The following PCDHGA9 variants were observed in gnomAD, a reference collection of about 807,000 sequenced individuals.
PCDHGA9 encodes protocadherin gamma-A9.
PCDHGA9 carries 37 observed loss-of-function variants against 62.5 expected under a neutral mutation model. The ratio of observed to expected loss-of-function variants is 0.59; its 90% CI spans 0.46 to 0.78. The LOEUF (loss-of-function observed/expected upper bound fraction) is 0.78, where lower values mean the gene tolerates loss of function less well. PCDHGA9 is among the 30% of genes least tolerant of loss of function. The pLI is 0.00. For missense variants in PCDHGA9, 1,138 were observed against 1,166.2 expected (o/e 0.98, Z 0.35); for synonymous variants, 459 against 484.6 (o/e 0.95, Z 0.69).
intron 1 of PCDHGA9, chr5:141,421,800 G>A: frequency 6.2e-7 from 1 of 1,613,846 alleles, no homozygotes; most frequent in Non-Finnish European, 8.5e-7. Context: ...ATGGGGCCAA[G>A]AATCCAGAGC....
intron 1 of PCDHGA9, chr5:141,428,275 G>A (rs566455986): frequency 6.5e-6 from 5 of 767,218 alleles, no homozygotes; most frequent in African/African-American, 3.4e-5. Context: ...TGTGCCCTCT[G>A]ATTCCCAAGC....
rs2099670287 is a variant in PCDHGA9, at chr5:141,487,983, TC to T, written c.2425-6822del. Among the ~76,000 whole-genome samples, 3 of 152,290 alleles carry T rather than the reference TC, an allele frequency of 2.0e-5. No individual in the cohort carries two copies. The South Asian group carries it at 6.2e-4, about 32-fold the overall frequency. ...CAAAGGTGGCTGTTTTCTCTACTCT[TC>T]CTGAAAGAGGGGATCAGATTCTGAA... On this transcript the variant is annotated intron_variant, in intron 1 of 3. Coordinates refer to ENST00000573521, the MANE Select transcript of PCDHGA9 (RefSeq NM_018921.3). This position sits in a 1 kb window ranked among gnomAD's most constrained non-coding sequence, Gnocchi z 5.0.
chr5:141,433,406 T>TC (rs397794347), intron 1 of PCDHGA9, among the ~76,000 whole-genome samples: 446 of 150,100 alleles, frequency 3.0e-3, no homozygotes, highest in African/African-American at 0.01. Context: ...TATCTATCTA[T>TC]TACTTTCTTG....
chr5:141,455,817 A>G (rs1251279680), intron 1 of PCDHGA9, among the ~76,000 whole-genome samples: 3 of 151,882 alleles, frequency 2.0e-5, no homozygotes, highest in Non-Finnish European at 4.4e-5. Flanking sequence ...AAAACTTCCC[A>G]AGGACCCCTT....
Position 141,511,315 on chromosome 5 carries a change from G to A in PCDHGA9, c.*142G>A. ...AAGGCCATGCTCCCCTTGGGAAACA[G>A]AAACAAGTGCCCAGTCAGCACCTAC... On this transcript the variant is annotated 3_prime_UTR_variant, in exon 4 of 4. Coordinates refer to ENST00000573521, the MANE Select transcript of PCDHGA9 (RefSeq NM_018921.3). 6.8e-7 allele frequency: 1 copy of A among 1,481,384 alleles called. No individual in the cohort carries two copies. Among genetic ancestry groups the A allele is most frequent in the Non-Finnish European group, 9.0e-7 (1 of 1,110,974 alleles). 91.8% of individuals were successfully genotyped at this position (1,481,384 alleles called of 1,614,324 possible).
chr5:141,421,328 A>G (rs1355932974), intron 1 of PCDHGA9: 1 of 1,613,902 alleles, frequency 6.2e-7, no homozygotes. Flanking sequence ...CAGATCCGAT[A>G]TTCGGTGCCA....
intron 1 of PCDHGA9, 87 bp downstream of exon 1, chr5:141,405,463 A>C: frequency 8.5e-7 from 1 of 1,181,354 alleles, no homozygotes. Flanking sequence ...TCTGTTACCC[A>C]GGCTGGAATG....
chr5:141,502,402 A>T (rs1317862793), intron 2 of PCDHGA9, among the ~76,000 whole-genome samples: 1 of 151,976 alleles, frequency 6.6e-6, no homozygotes, highest in Admixed American at 6.6e-5. Flanking sequence ...AATGTCCCCG[A>T]ACCTGGATTT....
At chr5:141,453,586 C>T (rs1409763264) in intron 1 of PCDHGA9, among the ~76,000 whole-genome samples, 1 of 152,204 alleles carries the variant, frequency 6.6e-6, no homozygotes, top group Non-Finnish European at 1.5e-5. Context: ...GGTTTATCCT[C>T]ACTGTGTTTC....
At position 141,477,137 on chromosome 5, in the gene PCDHGA9, G is replaced by A; in HGVS notation, c.2425-17670G>A. 1 of 1,614,200 alleles carries A rather than the reference G, an allele frequency of 6.2e-7. No individual in the cohort carries two copies. The highest frequency in any genetic ancestry group is 8.5e-7 in the Non-Finnish European group (1 of 1,180,050). On this transcript the variant is annotated intron_variant, in intron 1 of 3. Coordinates refer to ENST00000573521, the MANE Select transcript of PCDHGA9 (RefSeq NM_018921.3). The surrounding 1 kb of genome is among the most constrained non-coding windows in gnomAD (Gnocchi z 4.9). ...AGGAGCACATTGCAAAGTGTTGGTG[G>A]AGGTTGTGGATGTGAATGACAACGC...
intron 1 of PCDHGA9, chr5:141,409,257 T>C: frequency 6.2e-7 from 1 of 1,614,022 alleles, no homozygotes; most frequent in Non-Finnish European, 8.5e-7. Flanking sequence ...ATCACTTCTC[T>C]CTCTGATCAG....
intron 1 of PCDHGA9, chr5:141,421,678 G>C (rs903229017): frequency 3.7e-6 from 6 of 1,613,776 alleles, no homozygotes; most frequent in Non-Finnish European, 5.1e-6. Context: ...AATTCCTGGG[G>C]CGCGATTTGC....
intron 1 of PCDHGA9, among the ~76,000 whole-genome samples, chr5:141,407,382 A>G (rs1158380926): frequency 6.6e-6 from 1 of 152,218 alleles, no homozygotes; most frequent in Non-Finnish European, 1.5e-5. Context: ...GAAGGCTTGT[A>G]TGTCATGGTA....
rs1174072440 is a variant in PCDHGA9, at chr5:141,438,581, TACATACATAC to T, written c.2424+33207_2424+33216del. Among the ~76,000 whole-genome samples, 141 of 49,790 alleles carry T rather than the reference TACATACATAC, an allele frequency of 2.8e-3. 1 individual carries two copies. Among genetic ancestry groups the T allele is most frequent in the African/African-American group, 0.014 (97 of 6,866 alleles). 32.7% of individuals were successfully genotyped at this position (49,790 alleles called of 152,430 possible). A position where few individuals can be genotyped will look rare whatever the true frequency, so the allele number is the denominator to read the frequency against. On this transcript the variant is annotated intron_variant, in intron 1 of 3. Coordinates refer to ENST00000573521, the MANE Select transcript of PCDHGA9 (RefSeq NM_018921.3). ...GAGGCAGCTGTCTGATATACATACA[TACATACATAC>T]ATATATATATATATATATATATATA...
chr5:141,429,760 C>T (rs1036499079), intron 1 of PCDHGA9, among the ~76,000 whole-genome samples: 2 of 152,020 alleles, frequency 1.3e-5, no homozygotes, highest in Non-Finnish European at 2.9e-5. Context: ...AATTTTTTCC[C>T]TATATTTTGA....
intron 1 of PCDHGA9, chr5:141,409,124 G>T: frequency 6.2e-7 from 1 of 1,613,940 alleles, no homozygotes. Context: ...CCAGTCATTT[G>T]ATTTTGAAGA....
At position 141,432,749 on chromosome 5, in the gene PCDHGA9, G is replaced by A; in HGVS notation, c.2424+27373G>A. 6.8e-6 allele frequency: 11 copies of A among 1,614,106 alleles called. No homozygotes were observed. The highest frequency in any genetic ancestry group is 9.3e-6 in the Non-Finnish European group (11 of 1,179,980). On this transcript the variant is annotated intron_variant, in intron 1 of 3. Coordinates refer to ENST00000573521, the MANE Select transcript of PCDHGA9 (RefSeq NM_018921.3). The surrounding 1 kb of genome is among the most constrained non-coding windows in gnomAD (Gnocchi z 6.0). ...CGCCACTGTCACGCTCACCGTGGCCGTGGCCGACAGCATCCCCCAAGTCCT... is the reference window on the plus strand; with the variant it reads ...CGCCACTGTCACGCTCACCGTGGCCATGGCCGACAGCATCCCCCAAGTCCT...
chr5:141,430,881 A>G, intron 1 of PCDHGA9: 4 of 1,600,896 alleles, frequency 2.5e-6, no homozygotes, highest in Non-Finnish European at 3.4e-6. Flanking sequence ...GAGCTGGAGA[A>G]AGGCTCTAGG....
At chr5:141,419,897 A>C in intron 1 of PCDHGA9, 1 of 1,613,960 alleles carries the variant, frequency 6.2e-7, no homozygotes, top group Non-Finnish European at 8.5e-7. Context: ...CGACCATCCC[A>C]CACCCTCTGA....
Sources: gnomAD v4.1 joint callset for allele counts (sites outside exome capture counted in the v4.1 genomes callset) on GRCh38, gnomAD v4.1.1 for gene constraint, Gnocchi (gnomAD v3.1) non-coding constraint, MANE v1.5 for transcripts, NCBI Gene and HGNC (gene_info 2026-07-23, HGNC 2026-07-21) for gene names.